The following FDCSP variants were observed in gnomAD, a reference collection of about 807,000 sequenced individuals.
FDCSP encodes follicular dendritic cell secreted peptide.
FDCSP carries 8 observed loss-of-function variants against 8.9 expected under a neutral mutation model. The observed-to-expected ratio is 0.90, with a 90% CI of 0.53 to 1.63. The LOEUF is 1.63. Among genes scored for constraint, FDCSP ranks in the 40% most tolerant of loss-of-function variants. FDCSP has a pLI of 0.00. For missense variants in FDCSP, 101 were observed against 103.6 expected (o/e 0.98, Z 0.11); for synonymous variants, 34 against 34.5 (o/e 0.98, Z 0.06).
intron 2 of FDCSP, among the ~76,000 whole-genome samples, chr4:70,232,211 C>T (rs1222093654): frequency 6.6e-6 from 1 of 151,556 alleles, no homozygotes; most frequent in Non-Finnish European, 1.5e-5. Flanking sequence ...TATACAATAA[C>T]TCACTTACTA....
chr4:70,227,916 T>G (rs368850942), intron 1 of FDCSP, among the ~76,000 whole-genome samples: 2 of 151,832 alleles, frequency 1.3e-5, no homozygotes, highest in South Asian at 4.1e-4. Context: ...AGTCATAATC[T>G]TTTTGCTGGT....
At chr4:70,229,448 G>T (rs149281738) in intron 1 of FDCSP, among the ~76,000 whole-genome samples, 2 of 151,738 alleles carry the variant, frequency 1.3e-5, no homozygotes, top group South Asian at 2.1e-4. Context: ...CTTTTCCTTC[G>T]CATTCACAAC....
chr4:70,228,050 T>C (rs920345711), intron 1 of FDCSP, among the ~76,000 whole-genome samples: 10 of 151,768 alleles, frequency 6.6e-5, no homozygotes, highest in Non-Finnish European at 1.2e-4. Context: ...AGATTGACTC[T>C]TCCTTTCACA....
At chr4:70,232,661 G>A (rs576286687) in intron 2 of FDCSP, among the ~76,000 whole-genome samples, 2 of 151,574 alleles carry the variant, frequency 1.3e-5, no homozygotes, top group Non-Finnish European at 3.0e-5. Context: ...GCTGTATTCT[G>A]TAAGAATACC....
At chr4:70,231,310 T>C (rs1365594075) in intron 2 of FDCSP, 59 bp downstream of exon 2, 14 of 1,365,718 alleles carry the variant, frequency 1.0e-5, no homozygotes, top group Admixed American at 6.1e-5. Context: ...GGCATATTTA[T>C]GTCAACCAGG....
intron 2 of FDCSP, among the ~76,000 whole-genome samples, chr4:70,232,712 C>T (rs185222060): frequency 9.4e-4 from 143 of 151,696 alleles, no homozygotes; most frequent in African/African-American, 3.4e-3. Flanking sequence ...CTAACACCTG[C>T]CCTTTTATCA....
rs1010985887 is a variant in FDCSP, at chr4:70,235,185, T to C, written c.*129T>C. 7 of 151,948 alleles carry C rather than the reference T, an allele frequency of 4.6e-5. No individual in the cohort carries two copies. Among genetic ancestry groups the C allele is most frequent in the African/African-American group, 1.7e-4 (7 of 41,542 alleles). 9.4% of individuals were successfully genotyped at this position (151,948 alleles called of 1,614,324 possible). A position where few individuals can be genotyped will look rare whatever the true frequency, so the allele number is the denominator to read the frequency against. On this transcript the variant is annotated 3_prime_UTR_variant, in exon 5 of 5. Coordinates refer to ENST00000317987, the MANE Select transcript of FDCSP (RefSeq NM_152997.4). ...TGAAATAGCACACAGCATTCTCTAG[T>C]CAATATCTTTAGTGATCTTCTTTAA...
intron 1 of FDCSP, among the ~76,000 whole-genome samples, chr4:70,227,016 C>T (rs1729997970): frequency 1.3e-5 from 2 of 151,850 alleles, no homozygotes; most frequent in African/African-American, 4.8e-5. Flanking sequence ...CTTCTAAATA[C>T]TCAAAATATT....
chr4:70,230,165 C>T (rs1167378265), intron 1 of FDCSP, among the ~76,000 whole-genome samples: 1 of 151,510 alleles, frequency 6.6e-6, no homozygotes, highest in Non-Finnish European at 1.5e-5. Context: ...CAAGTAAAGT[C>T]CCCTAGCCAA....
At chr4:70,228,289 A>C (rs1208617316) in intron 1 of FDCSP, among the ~76,000 whole-genome samples, 1 of 151,848 alleles carries the variant, frequency 6.6e-6, no homozygotes, top group Non-Finnish European at 1.5e-5. Context: ...CTCATCCATA[A>C]GAAGCCATTT....
intron 1 of FDCSP, among the ~76,000 whole-genome samples, chr4:70,230,793 T>C (rs1484627994): frequency 1.3e-5 from 2 of 151,778 alleles, no homozygotes; most frequent in Non-Finnish European, 2.9e-5. Context: ...ATTCTCTGTA[T>C]AAACCAATGC....
rs148155739 is a variant in FDCSP at position 70,232,598 on chromosome 4, C to T, written c.58-396C>T. On this transcript the variant is annotated intron_variant, in intron 2 of 4. Coordinates refer to ENST00000317987, the MANE Select transcript of FDCSP (RefSeq NM_152997.4). ...ATCTCTGCTGTTAGGCAATGCATGA[C>T]TCTATATTTTGTCTTGATTCATGAA... Among the ~76,000 whole-genome samples the T allele has an allele frequency of 7.7e-4, 117 of 151,662 alleles. 1 individual carries two copies. Among genetic ancestry groups the T allele is most frequent in the African/African-American group, 2.6e-3 (108 of 41,470 alleles).
At chr4:70,229,618 C>T (rs139511096) in intron 1 of FDCSP, among the ~76,000 whole-genome samples, 76 of 151,604 alleles carry the variant, frequency 5.0e-4, no homozygotes, top group African/African-American at 1.8e-3. Flanking sequence ...TATTAACTGG[C>T]CCAGATTTAA....
rs531577071 is a variant in FDCSP at position 70,227,079 on chromosome 4, T to C, written c.-1+897T>C. 1.7e-4 allele frequency among the ~76,000 whole-genome samples: 26 copies of C among 151,984 alleles called. No homozygotes were observed. In the South Asian group the frequency reaches 3.7e-3, roughly 22 times the overall value. ...ACGCTTTTTTTTCACATTACAGAAA[T>C]ATCTGTATCCATCTTCCATGTGGAA... On this transcript the variant is annotated intron_variant, in intron 1 of 4. Transcript: ENST00000317987.
intron 1 of FDCSP, among the ~76,000 whole-genome samples, chr4:70,228,480 T>G (rs1730024473): frequency 6.6e-6 from 1 of 151,832 alleles, no homozygotes; most frequent in African/African-American, 2.4e-5. Context: ...ACTCCTGTAA[T>G]GTTGATATTT....
chr4:70,229,707 C>G (rs1335003739), intron 1 of FDCSP, among the ~76,000 whole-genome samples: 1 of 151,492 alleles, frequency 6.6e-6, no homozygotes, highest in Admixed American at 6.6e-5. Context: ...GTGGAGCAAT[C>G]GAAACATTCA....
Position 70,233,043 on chromosome 4 carries a change from C to G in FDCSP, c.90+17C>G. ...AAAAGAAGTGTAAGTTACCTTTTCT[C>G]TTTTTTACATGTAAGTTTTACACGT... On this transcript the variant is annotated intron_variant, in intron 3 of 4. Coordinates refer to ENST00000317987, the MANE Select transcript of FDCSP (RefSeq NM_152997.4). 6.3e-7 allele frequency: 1 copy of G among 1,585,988 alleles called. No homozygotes were observed. Among genetic ancestry groups the G allele is most frequent in the Non-Finnish European group, 8.6e-7 (1 of 1,165,480 alleles).
At chr4:70,234,560 T>C (rs571922144) in intron 4 of FDCSP, among the ~76,000 whole-genome samples, 2 of 151,758 alleles carry the variant, frequency 1.3e-5, no homozygotes, top group Non-Finnish European at 3.0e-5. Context: ...GTGGAGATCA[T>C]AGTAGATGAA....
At chr4:70,233,915 AG>A in intron 3 of FDCSP, 104 bp from the exon 4 acceptor site, 1 of 1,027,978 alleles carries the variant, frequency 9.7e-7, no homozygotes, top group South Asian at 1.7e-5. Flanking sequence ...GAGCTTCTAA[AG>A]CCTCTTCCTA....
Sources: allele counts gnomAD v4.1 joint callset (sites outside exome capture counted in the v4.1 genomes callset), GRCh38; gene constraint gnomAD v4.1.1; transcripts MANE v1.5; gene names NCBI Gene and HGNC (gene_info 2026-07-23, HGNC 2026-07-21).